KCNC2: variants seen among roughly 807,000 people sequenced by gnomAD.
The protein encoded by KCNC2 is voltage-gated potassium channel KCNC2.
KCNC2 carries 21 observed loss-of-function variants against 44.5 expected under a neutral mutation model. The ratio of observed to expected loss-of-function variants is 0.47; its 90% CI spans 0.33 to 0.68. The LOEUF is 0.68. Ranked by LOEUF, KCNC2 falls within the 30% of genes least tolerant of loss-of-function variation. KCNC2 has a pLI of 0.01. For missense variants in KCNC2, 589 were observed against 826.2 expected (o/e 0.71, Z 3.52); for synonymous variants, 391 against 339.1 (o/e 1.15, Z -1.68).
chr12:75,207,365 G>A lies in KCNC2; in HGVS notation c.619C>T (p.Arg207Cys). 6.3e-7 allele frequency: 1 copy of A among 1,578,324 alleles called. No homozygotes were observed. Among genetic ancestry groups the A allele is most frequent in the Non-Finnish European group, 8.6e-7 (1 of 1,163,470 alleles). The change falls in exon 2 of 5, where the codon CGC becomes TGC. Residue 207 changes from arginine to cysteine, a missense_variant. Physicochemically the swap from Arg to Cys is radical, Grantham distance 180 (BLOSUM62 -3). Transcript: ENST00000549446. This position sits in a 1 kb window ranked among gnomAD's most constrained non-coding sequence, Gnocchi z 4.1. ...ATGCGGGGCTGCAGCCTCCTCCAGC[G>A]GCCAGATTTGCCGTCGGGGCCCCCG... is the stretch of plus-strand genomic sequence containing the variant. The part of the protein sequence containing the change: ...GLGGPDGKSG[R>C]WRRLQPRMWA...
intron 2 of KCNC2, among the ~76,000 whole-genome samples, chr12:75,158,917 A>T (rs1298655541): frequency 6.6e-6 from 1 of 151,914 alleles, no homozygotes; most frequent in East Asian, 1.9e-4. Context: ...TGCAACAGGG[A>T]TGACAAAAAC....
intron 3 of KCNC2, among the ~76,000 whole-genome samples, chr12:75,049,444 C>T (rs1880929801): frequency 6.6e-6 from 1 of 152,028 alleles, no homozygotes; most frequent in Non-Finnish European, 1.5e-5. Flanking sequence ...AGGGTAAAAG[C>T]TAATTAAATT....
chr12:75,124,177 T>C (rs981521724), intron 2 of KCNC2: 1 of 152,166 alleles, frequency 6.6e-6, no homozygotes, highest in Non-Finnish European at 1.5e-5. Flanking sequence ...TGCAGATCAA[T>C]GTTTATGCTT....
At chr12:75,156,969 A>G (rs1310323989) in intron 2 of KCNC2, among the ~76,000 whole-genome samples, 1 of 151,858 alleles carries the variant, frequency 6.6e-6, no homozygotes, top group Non-Finnish European at 1.5e-5. Flanking sequence ...CTATAAACCA[A>G]CTTACTTCAA....
At chr12:75,047,503 T>A (rs1349591036) in intron 4 of KCNC2, among the ~76,000 whole-genome samples, 1 of 152,064 alleles carries the variant, frequency 6.6e-6, no homozygotes, top group East Asian at 1.9e-4. Context: ...TCATGTCTGT[T>A]GAAAAATAGT....
In KCNC2 at chr12:75,043,079, C is replaced by T. The variant is rs143368819; in HGVS notation, c.*26G>A. 2.6e-4 allele frequency: 413 copies of T among 1,608,370 alleles called. No individual in the cohort carries two copies. The highest frequency in any genetic ancestry group is 3.3e-4 in the Middle Eastern group (2 of 6,012). ...AGCACTTGAATTAATACAATTTAGC[C>T]GACTGATGCAGTTTGGTTGTTTGGT... On this transcript the variant is annotated 3_prime_UTR_variant, in exon 5 of 5. Coordinates refer to ENST00000549446, the MANE Select transcript of KCNC2 (RefSeq NM_139137.4).
intron 2 of KCNC2, among the ~76,000 whole-genome samples, chr12:75,091,845 A>G (rs1008221372): frequency 6.6e-6 from 1 of 151,716 alleles, no homozygotes; most frequent in Non-Finnish European, 1.5e-5. Context: ...AAGATATAAT[A>G]TATGGAAATA....
At chr12:75,148,621 T>A (rs1409667726) in intron 2 of KCNC2, among the ~76,000 whole-genome samples, 1 of 152,092 alleles carries the variant, frequency 6.6e-6, no homozygotes, top group Admixed American at 6.6e-5. Flanking sequence ...GTGTATTTCA[T>A]GTTATATTTT....
chr12:75,182,394 G>A (rs1892646304), intron 2 of KCNC2, among the ~76,000 whole-genome samples: 1 of 151,188 alleles, frequency 6.6e-6, no homozygotes, highest in African/African-American at 2.4e-5. Flanking sequence ...GTGGTGGCGG[G>A]TGCCTGTAGT....
At chr12:75,044,315 T>G (rs1307620130) in intron 4 of KCNC2, among the ~76,000 whole-genome samples, 2 of 151,962 alleles carry the variant, frequency 1.3e-5, no homozygotes, top group African/African-American at 4.8e-5. Flanking sequence ...TGAAATTCTT[T>G]TTTGGCAACC....
At chr12:75,045,207 T>C (rs959512415) in intron 4 of KCNC2, among the ~76,000 whole-genome samples, 3 of 151,998 alleles carry the variant, frequency 2.0e-5, no homozygotes, top group African/African-American at 7.2e-5. Context: ...CACACAGATT[T>C]ACAACTCTGT....
intron 2 of KCNC2, among the ~76,000 whole-genome samples, chr12:75,075,594 A>G (rs1345402975): frequency 3.3e-5 from 5 of 151,758 alleles, no homozygotes; most frequent in African/African-American, 1.2e-4. Flanking sequence ...TTATTCTTGA[A>G]TCTGTGGGGG....
At chr12:75,203,754 T>C (rs929702605) in intron 2 of KCNC2, among the ~76,000 whole-genome samples, 2 of 151,788 alleles carry the variant, frequency 1.3e-5, no homozygotes, top group African/African-American at 2.4e-5. Flanking sequence ...AAAATATAAG[T>C]GAAAAGAAGA....
rs80041277 is a variant in KCNC2 at position 75,162,509 on chromosome 12, G to C, written c.687+44788C>G. On this transcript the variant is annotated intron_variant, in intron 2 of 4. Transcript: ENST00000549446. ...ATTAATAGATTACATCTGTAGTTTT[G>C]TTCTTTCTTCTATTGCTGTCAGACT... 2.0e-4 allele frequency among the ~76,000 whole-genome samples: 30 copies of C among 151,694 alleles called. No individual in the cohort carries two copies. The East Asian group carries it at 5.9e-3, about 30-fold the overall frequency.
intron 2 of KCNC2, among the ~76,000 whole-genome samples, chr12:75,125,121 A>C (rs1266259729): frequency 3.3e-5 from 5 of 152,134 alleles, no homozygotes; most frequent in Non-Finnish European, 5.9e-5. Flanking sequence ...AAAATTAATC[A>C]AAGTTTCTGG....
intron 4 of KCNC2, among the ~76,000 whole-genome samples, chr12:75,045,300 A>T (rs879434196): frequency 6.6e-6 from 1 of 151,966 alleles, no homozygotes; most frequent in Admixed American, 6.6e-5. Context: ...TGCCAGTAAC[A>T]TATAAAACTT....
chr12:75,075,001 T>C (rs1167774580), intron 2 of KCNC2, among the ~76,000 whole-genome samples: 1 of 152,158 alleles, frequency 6.6e-6, no homozygotes, highest in African/African-American at 2.4e-5. Flanking sequence ...GACAGAAATA[T>C]GAAACAGCAA....
intron 4 of KCNC2, among the ~76,000 whole-genome samples, chr12:75,045,754 G>T (rs1227641441): frequency 1.3e-5 from 2 of 151,950 alleles, no homozygotes; most frequent in South Asian, 2.1e-4. Flanking sequence ...CAACAAACAT[G>T]CATTCTAAGT....
intron 2 of KCNC2, among the ~76,000 whole-genome samples, chr12:75,157,064 A>G (rs1199219913): frequency 1.3e-5 from 2 of 151,884 alleles, no homozygotes; most frequent in Middle Eastern, 3.2e-3. Context: ...GATGTTGCTT[A>G]CAAATAGTCA....
Sources: gnomAD v4.1 joint callset for allele counts (sites outside exome capture counted in the v4.1 genomes callset) on GRCh38, gnomAD v4.1.1 for gene constraint, Gnocchi (gnomAD v3.1) non-coding constraint, MANE v1.5 for transcripts, NCBI Gene and HGNC (gene_info 2026-07-23, HGNC 2026-07-21) for gene names.